The following AKT3 variants were observed in gnomAD, a reference collection of about 807,000 sequenced individuals.
AKT3 encodes RAC-gamma serine/threonine-protein kinase.
AKT3 carries 15 observed loss-of-function variants against 65.3 expected under a neutral mutation model. That is an observed-to-expected ratio of 0.23 (90% CI 0.15 to 0.35). The LOEUF is 0.35. Among genes scored for constraint, AKT3 ranks in the 10% least tolerant of loss-of-function variants. AKT3 has a pLI of 1.00. For missense variants in AKT3, 243 were observed against 576.5 expected, an observed-to-expected ratio of 0.42 and a Z score of 5.92; for synonymous variants, 206 against 183.8, an observed-to-expected ratio of 1.12 and a Z score of -0.98.
chr1:243,636,305 T>C (rs1206947966), intron 6 of AKT3, among the ~76,000 whole-genome samples: 1 of 152,116 alleles, frequency 6.6e-6, no homozygotes, highest in Non-Finnish European at 1.5e-5. Flanking sequence ...TGTACTATTA[T>C]ATTTATCTAT....
chr1:243,506,361 C>A (rs530767728), intron 13 of AKT3, among the ~76,000 whole-genome samples: 1 of 152,320 alleles, frequency 6.6e-6, no homozygotes, highest in Admixed American at 6.5e-5. Flanking sequence ...CAAAATAATT[C>A]GATGTCCTCA....
At chr1:243,753,597 T>C (rs1004707064) in intron 2 of AKT3, among the ~76,000 whole-genome samples, 44 of 152,228 alleles carry the variant, frequency 2.9e-4, no homozygotes, top group African/African-American at 1.0e-3. Context: ...CATCTGATAG[T>C]TGTATAATAC....
At chr1:243,843,541 TACCCAAA>T in intron 1 of AKT3, 3 of 1,055,936 alleles carry the variant, frequency 2.8e-6, no homozygotes, top group Non-Finnish European at 3.4e-6. Context: ...CAGTCACGCC[TACCCAAA>T]TAATAGAGAA....
At chr1:243,766,538 A>G (rs549981709) in intron 2 of AKT3, among the ~76,000 whole-genome samples, 1 of 152,312 alleles carries the variant, frequency 6.6e-6, no homozygotes, top group South Asian at 2.1e-4. Context: ...TTCAATTAAC[A>G]TTTAACAAAC....
intron 1 of AKT3, among the ~76,000 whole-genome samples, chr1:243,849,639 G>A (rs982090294): frequency 1.3e-4 from 19 of 150,518 alleles, no homozygotes; most frequent in Non-Finnish European, 2.1e-4. Flanking sequence ...TCCCCACGCC[G>A]CGCGGCCCGG....
At chr1:243,525,768 T>TAAGAAAGA (rs755272323) in intron 12 of AKT3, among the ~76,000 whole-genome samples, 9 of 4,144 alleles carry the variant, frequency 2.2e-3, no homozygotes, top group Admixed American at 9.4e-3. Flanking sequence ...CTTCCAAAAG[T>TAAGAAAGA]AAGAAAGAAA....
intron 9 of AKT3, among the ~76,000 whole-genome samples, chr1:243,571,267 A>C (rs1053016725): frequency 2.6e-5 from 4 of 152,210 alleles, no homozygotes; most frequent in Non-Finnish European, 5.9e-5. Flanking sequence ...CAGTGAGCCA[A>C]GATGGCACCA....
chr1:243,600,736 C>T (rs557971108), intron 8 of AKT3, among the ~76,000 whole-genome samples: 13 of 152,050 alleles, frequency 8.5e-5, no homozygotes, highest in African/African-American at 2.7e-4. Flanking sequence ...AAAATCTCCC[C>T]GACCTGCCAC....
At chr1:243,611,781 G>A (rs1392924377) in intron 8 of AKT3, among the ~76,000 whole-genome samples, 1 of 151,914 alleles carries the variant, frequency 6.6e-6, no homozygotes, top group African/African-American at 2.4e-5. Flanking sequence ...CTGTATTCCT[G>A]GGTTATTATT....
chr1:243,642,598 C>T (rs186320160), intron 5 of AKT3, among the ~76,000 whole-genome samples: 114 of 152,292 alleles, frequency 7.5e-4, no homozygotes, highest in Non-Finnish European at 1.1e-3. Context: ...CGTGAGCCAC[C>T]ACGCCCAGCC....
intron 9 of AKT3, among the ~76,000 whole-genome samples, chr1:243,567,680 C>CT (rs1177498480): frequency 2.6e-5 from 4 of 152,018 alleles, no homozygotes; most frequent in African/African-American, 9.7e-5. Flanking sequence ...CTATCAATTA[C>CT]TTTGTCTTCT....
At chr1:243,839,238 C>G (rs1245449240) in intron 2 of AKT3, among the ~76,000 whole-genome samples, 1 of 152,056 alleles carries the variant, frequency 6.6e-6, no homozygotes, top group African/African-American at 2.4e-5. Context: ...ACCTTCATAG[C>G]AAATATTACC....
intron 6 of AKT3, among the ~76,000 whole-genome samples, chr1:243,633,128 C>A (rs1161499950): frequency 6.6e-6 from 1 of 152,112 alleles, no homozygotes; most frequent in Non-Finnish European, 1.5e-5. Flanking sequence ...AGGAAAAAAA[C>A]TAAAGCAAGA....
intron 2 of AKT3, among the ~76,000 whole-genome samples, chr1:243,766,201 A>G (rs1048779131): frequency 6.6e-6 from 1 of 152,276 alleles, no homozygotes; most frequent in Admixed American, 6.5e-5. Context: ...CTGTTAAATA[A>G]TTTGTATTAC....
chr1:243,508,452 C>A (rs903223616), intron 13 of AKT3, among the ~76,000 whole-genome samples: 1 of 152,186 alleles, frequency 6.6e-6, no homozygotes, highest in African/African-American at 2.4e-5. Flanking sequence ...GCATACTCTG[C>A]TGAGCTCTTC....
chr1:243,690,536 C>T (rs1382477581), intron 3 of AKT3, among the ~76,000 whole-genome samples: 1 of 152,116 alleles, frequency 6.6e-6, no homozygotes, highest in Non-Finnish European at 1.5e-5. Context: ...TACAGCACTA[C>T]ATTGGCACCT....
intron 2 of AKT3, among the ~76,000 whole-genome samples, chr1:243,777,267 T>G (rs1007060785): frequency 2.6e-5 from 4 of 152,146 alleles, no homozygotes; most frequent in African/African-American, 7.2e-5. Flanking sequence ...CAGTTCACAA[T>G]AGGGTTTGCA....
At chr1:243,534,392 A>T (rs1248425325) in intron 12 of AKT3, among the ~76,000 whole-genome samples, 2 of 152,258 alleles carry the variant, frequency 1.3e-5, no homozygotes, top group Non-Finnish European at 2.9e-5. Context: ...AAAAACTGAT[A>T]GAACTGGAAG....
At chr1:243,508,216 A>G (rs1183414989) in intron 13 of AKT3, among the ~76,000 whole-genome samples, 1 of 152,222 alleles carries the variant, frequency 6.6e-6, no homozygotes, top group East Asian at 1.9e-4. Flanking sequence ...CCTTAAGGGA[A>G]TCTAGGATGT....
Sources: allele counts gnomAD v4.1 joint callset (sites outside exome capture counted in the v4.1 genomes callset), GRCh38; gene constraint gnomAD v4.1.1; transcripts MANE v1.5; gene names NCBI Gene and HGNC (gene_info 2026-07-23, HGNC 2026-07-21).